SLC25A42: variants seen among roughly 807,000 people sequenced by gnomAD.
The protein encoded by SLC25A42 is solute carrier family 25 member 42, also known as mitochondrial coenzyme A transporter SLC25A42.
SLC25A42 carries 19 observed loss-of-function variants against 34.7 expected under a neutral mutation model. The ratio of observed to expected loss-of-function variants is 0.55; its 90% CI spans 0.38 to 0.80. The LOEUF (loss-of-function observed/expected upper bound fraction) is 0.80, where lower values mean the gene tolerates loss of function less well. SLC25A42 is among the 30% of genes least tolerant of loss of function. The probability of loss-of-function intolerance (pLI) is 0.00; values close to 1 mark genes in which losing one functional copy is unlikely to be tolerated. For missense variants in SLC25A42, 364 were observed against 441.3 expected (o/e 0.82, Z 1.57); for synonymous variants, 205 against 191.2 (o/e 1.07, Z -0.59).
intron 3 of SLC25A42, among the ~76,000 whole-genome samples, 166 bp downstream of exon 3, chr19:19,102,052 A>G (rs1487345902): frequency 6.6e-6 from 1 of 151,172 alleles, no homozygotes; most frequent in East Asian, 1.9e-4. Context: ...TCTGTCACCC[A>G]GGCTGGAGTG....
rs1853227085 is a variant in SLC25A42 at position 19,081,107 on chromosome 19, C to A, written c.-34-14984C>A. On this transcript the variant is annotated intron_variant, in intron 1 of 7. Coordinates refer to ENST00000318596, the MANE Select transcript of SLC25A42 (RefSeq NM_178526.5). This position sits in a 1 kb window ranked among gnomAD's most constrained non-coding sequence, Gnocchi z 4.5. ...CTCCTACCTGGGTGACAGAGTGAGA[C>A]CCTGAAAAAATAAAAAAAAGAAGAA... 6.7e-6 allele frequency among the ~76,000 whole-genome samples: 1 copy of A among 149,704 alleles called. No individual in the cohort carries two copies. The highest frequency in any genetic ancestry group is 2.5e-5 in the African/African-American group (1 of 40,474).
At chr19:19,107,859 T>C (rs769644074) in intron 6 of SLC25A42, 35 bp from the exon 7 acceptor site, 4 of 1,611,474 alleles carry the variant, frequency 2.5e-6, no homozygotes, top group Non-Finnish European at 3.4e-6. Flanking sequence ...CTGGGAGGCC[T>C]GAGTCCCACC....
At chr19:19,103,065 C>A (rs561368000) in intron 3 of SLC25A42, among the ~76,000 whole-genome samples, 1 of 151,936 alleles carries the variant, frequency 6.6e-6, no homozygotes, top group Non-Finnish European at 1.5e-5. Flanking sequence ...TGTCTGTTTT[C>A]TCTCTCTCTC....
intron 2 of SLC25A42, among the ~76,000 whole-genome samples, chr19:19,100,515 C>T (rs1257571933): frequency 6.6e-6 from 1 of 152,068 alleles, no homozygotes; most frequent in Admixed American, 6.6e-5. Flanking sequence ...TCCCCTGCTC[C>T]TTTTCACCCT....
At chr19:19,100,139 C>T (rs1281028269) in intron 2 of SLC25A42, among the ~76,000 whole-genome samples, 2 of 151,742 alleles carry the variant, frequency 1.3e-5, no homozygotes, top group African/African-American at 2.4e-5. Context: ...GCCAGGAATT[C>T]GAGACCAGCC....
intron 1 of SLC25A42, among the ~76,000 whole-genome samples, chr19:19,080,176 G>A (rs553132627): frequency 3.4e-4 from 52 of 152,310 alleles, no homozygotes; most frequent in Admixed American, 2.2e-3. Context: ...GGAGGCCGAG[G>A]TCCTGGGAGC....
chr19:19,080,565 T>C (rs939440703), intron 1 of SLC25A42, among the ~76,000 whole-genome samples: 1 of 152,076 alleles, frequency 6.6e-6, no homozygotes, highest in African/African-American at 2.4e-5. Context: ...GAGGATCACT[T>C]GAGGCCAGGA....
At chr19:19,067,001 G>A (rs11670430) in intron 1 of SLC25A42, among the ~76,000 whole-genome samples, 29,136 of 132,286 alleles carry the variant, frequency 0.22, 3,269 homozygotes, top group Admixed American at 0.3. Context: ...CAGCCTGGAC[G>A]ACAGAGCTAG....
chr19:19,071,646 C>A (rs903872592), intron 1 of SLC25A42, among the ~76,000 whole-genome samples: 5 of 152,164 alleles, frequency 3.3e-5, no homozygotes, highest in Admixed American at 2.0e-4. Context: ...GTGGGCGGAG[C>A]ACCTGAGGTC....
chr19:19,066,013 C>T (rs1413604009), intron 1 of SLC25A42, among the ~76,000 whole-genome samples: 2 of 152,088 alleles, frequency 1.3e-5, no homozygotes, highest in Admixed American at 6.6e-5. Context: ...TGTGCCACCA[C>T]ACCCAGCTAA....
chr19:19,091,227 AGGGCAG>A (rs2059736634), intron 1 of SLC25A42, among the ~76,000 whole-genome samples: 1 of 151,956 alleles, frequency 6.6e-6, no homozygotes, highest in Non-Finnish European at 1.5e-5. Context: ...GAGGCCAACG[AGGGCAG>A]ATCACCTGAG....
intron 1 of SLC25A42, among the ~76,000 whole-genome samples, chr19:19,065,565 C>A (rs796517279): frequency 3.6e-4 from 55 of 152,102 alleles, no homozygotes; most frequent in African/African-American, 1.3e-3. Context: ...TTTCTTACCC[C>A]CTCCCACCGC....
At chr19:19,097,997 T>A (rs2059774764) in intron 2 of SLC25A42, among the ~76,000 whole-genome samples, 4 of 151,242 alleles carry the variant, frequency 2.6e-5, no homozygotes, top group Non-Finnish European at 5.9e-5. Context: ...TTCTTCCCAC[T>A]GTGTTTATGG....
chr19:19,072,770 C>G (rs2059637648), intron 1 of SLC25A42, among the ~76,000 whole-genome samples: 3 of 152,162 alleles, frequency 2.0e-5, no homozygotes, highest in Admixed American at 2.0e-4. Context: ...CCTCGACCTC[C>G]TGGGTTCAAG....
Position 19,081,500 on chromosome 19 carries a change from T to A in SLC25A42, c.-34-14591T>A, listed in dbSNP as rs902843151. 4.6e-5 allele frequency among the ~76,000 whole-genome samples: 7 copies of A among 152,170 alleles called. No homozygotes were observed. The highest frequency in any genetic ancestry group is 4.6e-4 in the Admixed American group (7 of 15,280). On this transcript the variant is annotated intron_variant, in intron 1 of 7. Transcript: ENST00000318596. This position sits in a 1 kb window ranked among gnomAD's most constrained non-coding sequence, Gnocchi z 4.5. The stretch of plus-strand genomic sequence containing the variant: ...GGTACCACTAGTTCTGACAACCTCT[T>A]CTCGCTTGGGAAGCCGAGGTGGGGG...
intron 1 of SLC25A42, among the ~76,000 whole-genome samples, chr19:19,090,680 G>T (rs1393631545): frequency 6.6e-6 from 1 of 151,960 alleles, no homozygotes; most frequent in African/African-American, 2.4e-5. Context: ...ACAACAAAAA[G>T]CTTCTGATTT....
chr19:19,089,877 A>AAAACAAAAAC (rs908735010), intron 1 of SLC25A42, among the ~76,000 whole-genome samples: 1 of 152,130 alleles, frequency 6.6e-6, no homozygotes, highest in African/African-American at 2.4e-5. Flanking sequence ...TCAAAAAACA[A>AAAACAAAAAC]AAACAAAAAA....
chr19:19,101,649 G>A, intron 2 of SLC25A42, 132 bp from the exon 3 acceptor site: 3 of 734,118 alleles, frequency 4.1e-6, no homozygotes, highest in Non-Finnish European at 6.5e-6. Flanking sequence ...AACCAAGCAA[G>A]GCCAACATAC....
chr19:19,105,650 G>C lies in SLC25A42; in HGVS notation c.303G>C (p.Val101=). Residue 101 remains valine, a synonymous_variant, in exon 5 of 8, where the codon GTG becomes GTC. Transcript: ENST00000318596. Reference sequence around the variant, plus strand: ...ACTCGGCCACCATGGTGCGCGTGGTGCCCTACGCCGCCATCCAGTTCAGCG... The same window carrying C: ...ACTCGGCCACCATGGTGCGCGTGGTCCCCTACGCCGCCATCCAGTTCAGCG... The part of the protein sequence containing the change: ...RGNSATMVRV[V]PYAAIQFSAH... 1 of 1,613,526 alleles carries C rather than the reference G, an allele frequency of 6.2e-7. No homozygotes were observed. Among genetic ancestry groups the C allele is most frequent in the East Asian group, 2.2e-5 (1 of 44,866 alleles).
Sources: allele counts gnomAD v4.1 joint callset (sites outside exome capture counted in the v4.1 genomes callset), GRCh38; gene constraint gnomAD v4.1.1; non-coding constraint Gnocchi (gnomAD v3.1); transcripts MANE v1.5; gene names NCBI Gene and HGNC (gene_info 2026-07-23, HGNC 2026-07-21).